The following REG4 variants were observed in gnomAD, a reference collection of about 807,000 sequenced individuals.
REG4 encodes regenerating family member 4.
In REG4, 16 loss-of-function variants were observed where a neutral mutation model predicts 22.3. The ratio of observed to expected loss-of-function variants is 0.72; its 90% confidence interval spans 0.49 to 1.09. The LOEUF (loss-of-function observed/expected upper bound fraction) is 1.09. Ranked by LOEUF, REG4 falls within the 50% of genes least tolerant of loss-of-function variation. The pLI is 0.00. For synonymous variants in REG4, 71 were observed against 69.2 expected (o/e 1.03, Z -0.13); for missense variants, 214 against 193.9 (o/e 1.10, Z -0.61).
At position 119,808,594 on chromosome 1, in the gene REG4, C is replaced by CTAT. The variant is rs1299792135; in HGVS notation, c.67+106_67+108dup. On this transcript the variant is annotated intron_variant, in intron 2 of 5. Coordinates refer to ENST00000256585, the MANE Select transcript of REG4 (RefSeq NM_032044.4). Reference sequence around the variant, plus strand: ...GTTTTTCATCTCCATGTTTAAAAACCTATTTCCTGCAGTTCCTAAATGTTT... The same window carrying CTAT: ...GTTTTTCATCTCCATGTTTAAAAACCTATTATTTCCTGCAGTTCCTAAATGTTT... 4.0e-6 allele frequency: 3 copies of CTAT among 749,850 alleles called. No individual in the cohort carries two copies. In the African/African-American group the frequency reaches 5.3e-5, roughly 13 times the overall value. 46.4% of individuals were successfully genotyped at this position (749,850 alleles called of 1,614,324 possible).
chr1:119,794,393 G>A lies in REG4; in HGVS notation c.*225C>T, dbSNP rs1364474623. Reference sequence around the variant, plus strand: ...CCAGAGACAGGGGAGGAGGGAAGAAGGATACTGTGGAAAGGGATGGCGGGG... The same window carrying A: ...CCAGAGACAGGGGAGGAGGGAAGAAAGATACTGTGGAAAGGGATGGCGGGG... On this transcript the variant is annotated 3_prime_UTR_variant, in exon 6 of 6. Coordinates refer to ENST00000256585, the MANE Select transcript of REG4 (RefSeq NM_032044.4). 3 of 622,076 alleles carry A rather than the reference G, an allele frequency of 4.8e-6. No individual in the cohort carries two copies. Among genetic ancestry groups the A allele is most frequent in the African/African-American group, 3.7e-5 (2 of 54,278 alleles). 38.5% of individuals were successfully genotyped at this position (622,076 alleles called of 1,614,324 possible). A position where few individuals can be genotyped will look rare whatever the true frequency, so the allele number is the denominator to read the frequency against.
chr1:119,795,577 G>A (rs1410264000), intron 5 of REG4, among the ~76,000 whole-genome samples: 2 of 152,224 alleles, frequency 1.3e-5, no homozygotes, highest in Non-Finnish European at 2.9e-5. Context: ...GTCTGCAGCA[G>A]AGCGAGGAGT....
chr1:119,796,082 C>T (rs1475000788), intron 5 of REG4, among the ~76,000 whole-genome samples: 1 of 152,158 alleles, frequency 6.6e-6, no homozygotes, highest in Non-Finnish European at 1.5e-5. Context: ...GAGCCATTAG[C>T]CTAGCTTGCA....
At chr1:119,800,733 G>A (rs1654074750) in intron 3 of REG4, among the ~76,000 whole-genome samples, 1 of 152,232 alleles carries the variant, frequency 6.6e-6, no homozygotes, top group South Asian at 2.1e-4. Context: ...AACATGTGAG[G>A]TGATCCTCCA....
At chr1:119,810,856 C>A (rs926954842) in intron 1 of REG4, among the ~76,000 whole-genome samples, 1 of 151,994 alleles carries the variant, frequency 6.6e-6, no homozygotes, top group African/African-American at 2.4e-5. Flanking sequence ...AGTTCAAGAC[C>A]AGCCTGGCCA....
chr1:119,798,179 G>T (rs1012068523), intron 5 of REG4, among the ~76,000 whole-genome samples: 3 of 152,140 alleles, frequency 2.0e-5, no homozygotes. Context: ...CCCAAAATGG[G>T]ATATATATCC....
intron 5 of REG4, among the ~76,000 whole-genome samples, chr1:119,797,508 C>T (rs1390983835): frequency 6.6e-6 from 1 of 152,214 alleles, no homozygotes; most frequent in Admixed American, 6.5e-5. Flanking sequence ...AAGTCCCTCC[C>T]TACCCCAGCC....
chr1:119,797,719 G>A (rs1653974500), intron 5 of REG4, among the ~76,000 whole-genome samples: 1 of 152,172 alleles, frequency 6.6e-6, no homozygotes, highest in Non-Finnish European at 1.5e-5. Context: ...TTCTCACCAG[G>A]GGGTGAATTT....
intron 2 of REG4, among the ~76,000 whole-genome samples, chr1:119,803,851 A>G (rs587693351): frequency 6.6e-6 from 1 of 152,232 alleles, no homozygotes; most frequent in Admixed American, 6.5e-5. Flanking sequence ...ATTTTAGGCA[A>G]AGGAGGCAGG....
chr1:119,808,692 TG>T lies in REG4; in HGVS notation c.67+10del. The T allele has an allele frequency of 1.2e-6, 2 of 1,608,216 alleles. No individual in the cohort carries two copies. The highest frequency in any genetic ancestry group is 1.7e-6 in the Non-Finnish European group (2 of 1,174,802). On this transcript the variant is annotated intron_variant, in intron 2 of 5. Coordinates refer to ENST00000256585, the MANE Select transcript of REG4 (RefSeq NM_032044.4). ...CTGTGGCTCAGTTCCAGCTACGTGA[TG>T]GATACTCACCACCCAGGACTCCTGT...
chr1:119,794,679 A>T lies in REG4; in HGVS notation c.416T>A (p.Leu139Ter). 6.2e-7 allele frequency: 1 copy of T among 1,613,944 alleles called. No individual in the cohort carries two copies. Among genetic ancestry groups the T allele is most frequent in the Non-Finnish European group, 8.5e-7 (1 of 1,179,790 alleles). The part of the protein sequence containing the change: ...CAEMSSNNNF[L>*]TWSSNECNKR... The stretch of plus-strand genomic sequence containing the variant: ...GTTGCATTCGTTGCTGCTCCAAGTT[A>T]AAAAGTCTGTAAGAAAATAAACAGA... The change falls in exon 6 of 6, where the codon TTA becomes TAA. Residue 139 changes from leucine to a stop codon, truncating the protein, a stop_gained. Transcript: ENST00000256585. LOFTEE classifies it high-confidence loss of function.
At chr1:119,810,253 T>C (rs886304444) in intron 1 of REG4, among the ~76,000 whole-genome samples, 11 of 152,208 alleles carry the variant, frequency 7.2e-5, no homozygotes, top group Non-Finnish European at 1.2e-4. Flanking sequence ...TTTTCATCTG[T>C]CTGGGCTTTG....
At chr1:119,798,352 G>A (rs1653992423) in intron 5 of REG4, 145 bp downstream of exon 5, 1 of 657,384 alleles carries the variant, frequency 1.5e-6, no homozygotes, top group African/African-American at 1.8e-5. Context: ...AATGTCTGTG[G>A]CAAGGCCACT....
chr1:119,797,839 A>C (rs1653977672), intron 5 of REG4, among the ~76,000 whole-genome samples: 1 of 152,132 alleles, frequency 6.6e-6, no homozygotes, highest in African/African-American at 2.4e-5. Flanking sequence ...ATGCCGCTCA[A>C]CCTCCTGCAA....
intron 2 of REG4, 43 bp downstream of exon 2, chr1:119,808,660 A>G: frequency 7.0e-7 from 1 of 1,419,032 alleles, no homozygotes; most frequent in East Asian, 2.3e-5. Flanking sequence ...GGCTGTGTGA[A>G]CACTGGCTGT....
intron 1 of REG4, among the ~76,000 whole-genome samples, chr1:119,810,877 A>C (rs900029784): frequency 3.9e-5 from 6 of 152,034 alleles, no homozygotes; most frequent in Admixed American, 3.9e-4. Context: ...ACATGGCACA[A>C]CCCTGTCTCT....
At position 119,803,231 on chromosome 1, in the gene REG4, C is replaced by T. The variant is rs137969867; in HGVS notation, c.68-66G>A. The T allele has an allele frequency of 1.0e-3, 1,449 of 1,455,614 alleles. 17 individuals carry two copies. The African/African-American group carries it at 0.017, about 17-fold the overall frequency. 90.2% of individuals were successfully genotyped at this position (1,455,614 alleles called of 1,614,324 possible). A position where few individuals can be genotyped will look rare whatever the true frequency, so the allele number is the denominator to read the frequency against. ...AAACAATCAATTCCCAGACTTGATA[C>T]AGTTTGCAATCAGGAACCCCTTGAA... On this transcript the variant is annotated intron_variant, in intron 2 of 5. Coordinates refer to ENST00000256585, the MANE Select transcript of REG4 (RefSeq NM_032044.4).
At chr1:119,806,810 A>G (rs922532643) in intron 2 of REG4, among the ~76,000 whole-genome samples, 3 of 152,182 alleles carry the variant, frequency 2.0e-5, no homozygotes, top group African/African-American at 7.2e-5. Flanking sequence ...CTACTCCCTC[A>G]CTTATTACAT....
At chr1:119,804,704 G>A (rs1007174539) in intron 2 of REG4, among the ~76,000 whole-genome samples, 8 of 152,104 alleles carry the variant, frequency 5.3e-5, no homozygotes, top group Non-Finnish European at 7.4e-5. Flanking sequence ...TTGTAAATAA[G>A]GTGCTTGACT....
Sources: allele counts gnomAD v4.1 joint callset (sites outside exome capture counted in the v4.1 genomes callset), GRCh38; gene constraint gnomAD v4.1.1; transcripts MANE v1.5; gene names NCBI Gene and HGNC (gene_info 2026-07-23, HGNC 2026-07-21).